Variants in ARHGAP5 observed in about 807,000 individuals in gnomAD.
The protein encoded by ARHGAP5 is Rho GTPase activating protein 5, also known as rho GTPase-activating protein 5.
Under a neutral mutation model 116.6 loss-of-function variants are expected in ARHGAP5, and 23 were observed. The ratio of observed to expected loss-of-function variants is 0.20; its 90% CI spans 0.14 to 0.28. ARHGAP5 has a LOEUF of 0.28. Among genes scored for constraint, ARHGAP5 ranks in the 10% least tolerant of loss-of-function variants. The pLI is 1.00. For synonymous variants in ARHGAP5, 574 were observed against 602.0 expected, an observed-to-expected ratio of 0.95 and a Z score of 0.68; for missense variants, 1,405 against 1,774.8, an observed-to-expected ratio of 0.79 and a Z score of 3.74.
At chr14:32,141,664 C>G (rs1392975160) in intron 3 of ARHGAP5, among the ~76,000 whole-genome samples, 1 of 152,160 alleles carries the variant, frequency 6.6e-6, no homozygotes, top group Admixed American at 6.5e-5. Flanking sequence ...TTCCTTAACT[C>G]TCTTTACCAT....
chr14:32,136,581 A>G lies in ARHGAP5; in HGVS notation c.3866-9682A>G, dbSNP rs1480228186. 2.0e-5 allele frequency among the ~76,000 whole-genome samples: 3 copies of G among 152,122 alleles called. No individual in the cohort carries two copies. The East Asian group carries it at 5.8e-4, about 29-fold the overall frequency. ...TGCTGCTGTGAATGTTTGTGTAAGT[A>G]TTTGTTTTAGTACCTGTTTTGAATT... is the stretch of plus-strand genomic sequence containing the variant. On this transcript the variant is annotated intron_variant, in intron 3 of 6. Transcript: ENST00000345122.
chr14:32,148,163 A>AATCTACCT (rs1555359599), intron 4 of ARHGAP5, among the ~76,000 whole-genome samples: 1 of 147,438 alleles, frequency 6.8e-6, no homozygotes, highest in Non-Finnish European at 1.5e-5. Flanking sequence ...AAAAAAAAGA[A>AATCTACCT]ATCTATCTAT....
chr14:32,149,132 AC>A (rs1881524753), intron 4 of ARHGAP5, among the ~76,000 whole-genome samples: 1 of 151,216 alleles, frequency 6.6e-6, no homozygotes, highest in African/African-American at 2.4e-5. Context: ...TTTCAGATCA[AC>A]CTGTATGCAT....
intron 1 of ARHGAP5, among the ~76,000 whole-genome samples, chr14:32,082,927 T>C (rs2041792451): frequency 6.6e-6 from 1 of 152,256 alleles, no homozygotes; most frequent in African/African-American, 2.4e-5. Flanking sequence ...CAGTCTTGTA[T>C]TCCTCCTCTA....
At chr14:32,135,701 G>T (rs1880753094) in intron 3 of ARHGAP5, among the ~76,000 whole-genome samples, 2 of 152,204 alleles carry the variant, frequency 1.3e-5, no homozygotes, top group African/African-American at 4.8e-5. Context: ...GTGATTACAG[G>T]TGCAAGCCAC....
intron 2 of ARHGAP5, among the ~76,000 whole-genome samples, chr14:32,103,674 A>G (rs1878887415): frequency 6.6e-6 from 1 of 152,094 alleles, no homozygotes; most frequent in Non-Finnish European, 1.5e-5. Flanking sequence ...TTTGTATACT[A>G]CAAATTGTGT....
chr14:32,118,806 A>G (rs890640072), intron 3 of ARHGAP5, among the ~76,000 whole-genome samples: 18 of 152,348 alleles, frequency 1.2e-4, no homozygotes, highest in East Asian at 7.7e-4. Flanking sequence ...CTGAACAATT[A>G]GAACATACTT....
intron 3 of ARHGAP5, among the ~76,000 whole-genome samples, chr14:32,138,148 T>C (rs1034502979): frequency 6.6e-6 from 1 of 152,172 alleles, no homozygotes; most frequent in South Asian, 2.1e-4. Context: ...CTGTTGTAAA[T>C]AGAATTTTTT....
At chr14:32,143,289 C>T (rs1221636857) in intron 3 of ARHGAP5, among the ~76,000 whole-genome samples, 1 of 151,950 alleles carries the variant, frequency 6.6e-6, no homozygotes, top group Non-Finnish European at 1.5e-5. Context: ...TTCGCCCAGG[C>T]TGGAGTGCAG....
At chr14:32,124,557 G>A (rs2139086422) in intron 3 of ARHGAP5, among the ~76,000 whole-genome samples, 1 of 152,288 alleles carries the variant, frequency 6.6e-6, no homozygotes, top group South Asian at 2.1e-4. Flanking sequence ...TGATAAACCT[G>A]ATAGATATTG....
At chr14:32,077,565 G>A (rs879419441) in intron 1 of ARHGAP5, 130 bp downstream of exon 1, 70 of 555,822 alleles carry the variant, frequency 1.3e-4, no homozygotes, top group Non-Finnish European at 2.0e-4. Context: ...GGGCCCCGCG[G>A]CCGCCGAGGG....
In ARHGAP5 at chr14:32,091,134, C is replaced by T. The variant is rs774412961; in HGVS notation, c.465C>T (p.Asn155=). 1.2e-5 allele frequency: 20 copies of T among 1,613,614 alleles called. No individual in the cohort carries two copies. Among genetic ancestry groups the T allele is most frequent in the South Asian group, 1.2e-4 (11 of 91,068 alleles). The change falls in exon 2 of 7, where the codon AAC becomes AAT. Residue 155 remains asparagine (N), a synonymous_variant. Coordinates refer to ENST00000345122, the MANE Select transcript of ARHGAP5 (RefSeq NM_001030055.2). ...AGCAAATGCCTGAAGGGAAGCTCAA[C>T]GTAGATGGATTTTTATTATGCATTG... ...EQKQMPEGKL[N]VDGFLLCIDV... is the part of the protein sequence containing the mutation.
At chr14:32,118,619 C>A (rs1879724939) in intron 3 of ARHGAP5, among the ~76,000 whole-genome samples, 1 of 152,126 alleles carries the variant, frequency 6.6e-6, no homozygotes, top group Non-Finnish European at 1.5e-5. Context: ...TGCTCTTTAT[C>A]ATTTATTTTT....
intron 3 of ARHGAP5, among the ~76,000 whole-genome samples, chr14:32,130,367 A>C (rs1594379203): frequency 6.8e-6 from 1 of 147,754 alleles, no homozygotes; most frequent in South Asian, 2.1e-4. Context: ...GCCTGCTATC[A>C]CACCAGGCTA....
intron 2 of ARHGAP5, among the ~76,000 whole-genome samples, chr14:32,095,705 G>A (rs1014797876): frequency 6.6e-6 from 1 of 152,062 alleles, no homozygotes; most frequent in Non-Finnish European, 1.5e-5. Context: ...GTGAGCCACC[G>A]CGCCCAGCTG....
At chr14:32,112,491 T>C (rs1879360103) in intron 2 of ARHGAP5, among the ~76,000 whole-genome samples, 1 of 152,202 alleles carries the variant, frequency 6.6e-6, no homozygotes. Context: ...CTTTTGCAGA[T>C]AAGAAATTCA....
intron 2 of ARHGAP5, among the ~76,000 whole-genome samples, chr14:32,097,196 T>C (rs182324937): frequency 3.9e-5 from 6 of 152,220 alleles, no homozygotes; most frequent in Non-Finnish European, 8.8e-5. Flanking sequence ...GTTTGATTTC[T>C]GAAACATAGC....
At chr14:32,077,576 G>GA (rs1396170317) in intron 1 of ARHGAP5, 141 bp downstream of exon 1, 4 of 555,786 alleles carry the variant, frequency 7.2e-6, no homozygotes, top group African/African-American at 2.0e-5. Flanking sequence ...CCGCCGAGGG[G>GA]AGCCTGGCGC....
At chr14:32,122,461 A>AT (rs1305812812) in intron 3 of ARHGAP5, among the ~76,000 whole-genome samples, 1 of 152,126 alleles carries the variant, frequency 6.6e-6, no homozygotes, top group South Asian at 2.1e-4. Flanking sequence ...TCTGTGGGTC[A>AT]TTTTTTACAA....
Sources: allele counts gnomAD v4.1 joint callset (sites outside exome capture counted in the v4.1 genomes callset), GRCh38; gene constraint gnomAD v4.1.1; transcripts MANE v1.5; gene names NCBI Gene and HGNC (gene_info 2026-07-23, HGNC 2026-07-21).